Variants in BNC2 observed in about 807,000 individuals in gnomAD.
The protein encoded by BNC2 is basonuclin zinc finger protein 2.
BNC2 carries 20 observed loss-of-function variants against 76.3 expected under a neutral mutation model. The observed-to-expected ratio is 0.26, with a 90% CI of 0.18 to 0.38. The LOEUF (loss-of-function observed/expected upper bound fraction) is 0.38, where lower values mean the gene tolerates loss of function less well. Among genes scored for constraint, BNC2 ranks in the 10% least tolerant of loss-of-function variants. BNC2 has a pLI of 1.00. For synonymous variants in BNC2, 582 were observed against 514.8 expected, an observed-to-expected ratio of 1.13 and a Z score of -1.77; for missense variants, 1,382 against 1,399.8, an observed-to-expected ratio of 0.99 and a Z score of 0.20.
intron 3 of BNC2, among the ~76,000 whole-genome samples, chr9:16,726,558 TTAA>T (rs149508992): frequency 0.54 from 55,521 of 103,048 alleles, 14,173 homozygotes; most frequent in Non-Finnish European, 0.64. Flanking sequence ...CAAAAGCTTT[TTAA>T]AAAAAAAAAA....
At chr9:16,866,329 C>G (rs534969837) in intron 1 of BNC2, among the ~76,000 whole-genome samples, 1 of 151,942 alleles carries the variant, frequency 6.6e-6, no homozygotes, top group South Asian at 2.1e-4. Context: ...GAAAATTTCT[C>G]TCTGGAATAC....
chr9:16,859,074 AC>A (rs1819333317), intron 1 of BNC2, among the ~76,000 whole-genome samples: 1 of 152,206 alleles, frequency 6.6e-6, no homozygotes, highest in Admixed American at 6.5e-5. Context: ...GAGGACATAT[AC>A]AAATGCCCAA....
At chr9:16,833,961 G>A (rs991676101) in intron 1 of BNC2, among the ~76,000 whole-genome samples, 1 of 151,964 alleles carries the variant, frequency 6.6e-6, no homozygotes, top group Non-Finnish European at 1.5e-5. Flanking sequence ...CTAATCTCAG[G>A]CCTTCAGTCC....
intron 3 of BNC2, among the ~76,000 whole-genome samples, chr9:16,706,010 G>A (rs1037087022): frequency 2.6e-5 from 4 of 152,128 alleles, no homozygotes; most frequent in African/African-American, 9.7e-5. Flanking sequence ...TGCCTTCCAA[G>A]CAACATAACT....
chr9:16,833,438 A>G (rs745385940), intron 1 of BNC2, among the ~76,000 whole-genome samples: 23 of 152,044 alleles, frequency 1.5e-4, no homozygotes, highest in Admixed American at 3.3e-4. Context: ...GAAGGAAGAG[A>G]AAAAAAACTA....
At chr9:16,434,791 C>T (rs566704651) in intron 6 of BNC2, 3 of 455,040 alleles carry the variant, frequency 6.6e-6, no homozygotes, top group South Asian at 3.1e-5. Flanking sequence ...ATAATATATT[C>T]GTGCTGATCC....
rs529228427 is a variant in BNC2 at position 16,834,670 on chromosome 9, C to T, written c.3+35976G>A. On this transcript the variant is annotated intron_variant, in intron 1 of 6. Transcript: ENST00000380672. Reference sequence around the variant, plus strand: ...CCTGATTATCTAATAATACCGGTCTCCTCACCCATTTGTGAACTCCCTACA... The same window carrying T: ...CCTGATTATCTAATAATACCGGTCTTCTCACCCATTTGTGAACTCCCTACA... 4.5e-4 allele frequency among the ~76,000 whole-genome samples: 68 copies of T among 152,304 alleles called. 1 individual carries two copies. Among genetic ancestry groups the T allele is most frequent in the Non-Finnish European group, 6.9e-4 (47 of 68,032 alleles).
At chr9:16,767,314 G>T (rs1825722705) in intron 1 of BNC2, among the ~76,000 whole-genome samples, 1 of 152,190 alleles carries the variant, frequency 6.6e-6, no homozygotes. Context: ...TCTCAGTTTG[G>T]GCAGTCCTCA....
intron 3 of BNC2, 174 bp downstream of exon 3, chr9:16,727,623 G>C (rs1343207862): frequency 3.8e-5 from 24 of 624,672 alleles, no homozygotes; most frequent in South Asian, 1.9e-4. Flanking sequence ...GGGAAACCAT[G>C]AAGTAACCCT....
At chr9:16,693,764 C>G (rs748003400) in intron 3 of BNC2, among the ~76,000 whole-genome samples, 2 of 152,186 alleles carry the variant, frequency 1.3e-5, no homozygotes, top group East Asian at 1.9e-4. Context: ...GAAAAGCTTA[C>G]GAGAAAAAGC....
intron 3 of BNC2, among the ~76,000 whole-genome samples, chr9:16,678,954 G>A (rs181984273): frequency 1.3e-3 from 196 of 152,100 alleles, no homozygotes; most frequent in African/African-American, 4.3e-3. Flanking sequence ...ACCTTCTATC[G>A]CCCAAGATAG....
chr9:16,430,384 G>A (rs917042978), intron 6 of BNC2, among the ~76,000 whole-genome samples: 12 of 152,114 alleles, frequency 7.9e-5, no homozygotes, highest in Non-Finnish European at 1.6e-4. Context: ...AATTATATTA[G>A]GGCAAATATA....
intron 4 of BNC2, among the ~76,000 whole-genome samples, chr9:16,569,949 C>T (rs143623209): frequency 2.6e-5 from 4 of 152,178 alleles, no homozygotes. Flanking sequence ...ATACACAGTA[C>T]ACTGACTATA....
At chr9:16,692,013 G>A (rs533518273) in intron 3 of BNC2, among the ~76,000 whole-genome samples, 1 of 151,474 alleles carries the variant, frequency 6.6e-6, no homozygotes, top group African/African-American at 2.4e-5. Flanking sequence ...GTTTCTCCAT[G>A]CTGGCCAGGC....
chr9:16,507,250 C>CTTTTTTTTTTT (rs36072200), intron 5 of BNC2, among the ~76,000 whole-genome samples: 4 of 83,168 alleles, frequency 4.8e-5, no homozygotes, highest in Admixed American at 1.7e-4. Context: ...TGTCCATTTG[C>CTTTTTTTTTTT]TTTTTTTTTT....
chr9:16,538,119 A>C (rs564297879), intron 5 of BNC2, among the ~76,000 whole-genome samples: 1 of 152,308 alleles, frequency 6.6e-6, no homozygotes, highest in African/African-American at 2.4e-5. Context: ...GCCTGGATCC[A>C]GGTGTAAGGT....
chr9:16,760,448 T>C (rs990916080), intron 1 of BNC2, among the ~76,000 whole-genome samples: 2 of 152,278 alleles, frequency 1.3e-5, no homozygotes, highest in Admixed American at 6.5e-5. Context: ...ATTCTTAGGA[T>C]GTAATGAGGG....
chr9:16,592,964 G>A (rs541288414), intron 3 of BNC2, among the ~76,000 whole-genome samples: 7 of 151,652 alleles, frequency 4.6e-5, no homozygotes, highest in Admixed American at 1.3e-4. Flanking sequence ...TTTTCTATCC[G>A]GAAAAATCCA....
chr9:16,465,622 T>C (rs910522314), intron 5 of BNC2, among the ~76,000 whole-genome samples: 1 of 152,110 alleles, frequency 6.6e-6, no homozygotes, highest in Admixed American at 6.5e-5. Context: ...ACAATACTAA[T>C]ATTTAATGCC....
Sources: allele counts gnomAD v4.1 joint callset (sites outside exome capture counted in the v4.1 genomes callset), GRCh38; gene constraint gnomAD v4.1.1; transcripts MANE v1.5; gene names NCBI Gene and HGNC (gene_info 2026-07-23, HGNC 2026-07-21).